MIPOL1: variants seen among roughly 807,000 people sequenced by gnomAD.
MIPOL1 encodes the protein mirror-image polydactyly gene 1 protein.
Under a neutral mutation model 60.9 loss-of-function variants are expected in MIPOL1, and 57 were observed. The ratio of observed to expected loss-of-function variants is 0.94; its 90% confidence interval spans 0.76 to 1.17. The LOEUF is 1.17. MIPOL1 is among the 50% of genes most tolerant of loss of function. The pLI, the probability that MIPOL1 is intolerant of heterozygous loss-of-function variation, is 0.00. For synonymous variants in MIPOL1, 179 were observed against 168.8 expected (o/e 1.06, Z -0.47); for missense variants, 551 against 511.6 (o/e 1.08, Z -0.74).
intron 11 of MIPOL1, among the ~76,000 whole-genome samples, chr14:37,452,765 C>T (rs908983136): frequency 2.6e-5 from 4 of 152,210 alleles, no homozygotes; most frequent in Middle Eastern, 3.4e-3. Flanking sequence ...ATCAAGTTGA[C>T]GTATAGTGTT....
At chr14:37,434,830 AT>A (rs2094137178) in intron 11 of MIPOL1, among the ~76,000 whole-genome samples, 1 of 148,986 alleles carries the variant, frequency 6.7e-6, no homozygotes, top group Non-Finnish European at 1.5e-5. Flanking sequence ...AAGTCTACTG[AT>A]TAAACATGTT....
intron 1 of MIPOL1, among the ~76,000 whole-genome samples, chr14:37,225,040 C>A (rs978687091): frequency 6.6e-6 from 1 of 152,170 alleles, no homozygotes; most frequent in Non-Finnish European, 1.5e-5. Flanking sequence ...TCTCCTTTGA[C>A]TCCATGTCTC....
intron 7 of MIPOL1, among the ~76,000 whole-genome samples, chr14:37,307,275 T>C (rs959438920): frequency 6.6e-6 from 1 of 151,916 alleles, no homozygotes; most frequent in African/African-American, 2.4e-5. Flanking sequence ...CACTAACATA[T>C]ATCACAAATT....
At chr14:37,327,931 A>T (rs561493583) in intron 9 of MIPOL1, among the ~76,000 whole-genome samples, 2 of 152,300 alleles carry the variant, frequency 1.3e-5, no homozygotes, top group Non-Finnish European at 2.9e-5. Context: ...ATTTCATTAG[A>T]AAAGGAAAAT....
At chr14:37,265,636 C>A (rs927492934) in intron 3 of MIPOL1, among the ~76,000 whole-genome samples, 2 of 151,946 alleles carry the variant, frequency 1.3e-5, no homozygotes, top group Admixed American at 6.6e-5. Flanking sequence ...ATCATACTTG[C>A]CAAAATAGTT....
At chr14:37,304,803 C>G (rs1253320398) in intron 7 of MIPOL1, among the ~76,000 whole-genome samples, 1 of 151,764 alleles carries the variant, frequency 6.6e-6, no homozygotes, top group Admixed American at 6.6e-5. Context: ...TCAATTGAAA[C>G]TTGAGCCCAT....
At chr14:37,525,534 G>A (rs1427364647) in intron 12 of MIPOL1, among the ~76,000 whole-genome samples, 3 of 152,056 alleles carry the variant, frequency 2.0e-5, no homozygotes, top group Non-Finnish European at 4.4e-5. Flanking sequence ...ACCTACTAAA[G>A]GAATAACACA....
At chr14:37,516,275 A>G (rs1301760139) in intron 12 of MIPOL1, among the ~76,000 whole-genome samples, 42 of 152,178 alleles carry the variant, frequency 2.8e-4, no homozygotes. Flanking sequence ...ATGTGGGTCT[A>G]AAGTCTTTTT....
intron 12 of MIPOL1, among the ~76,000 whole-genome samples, chr14:37,512,485 A>G (rs971651965): frequency 1.3e-5 from 2 of 152,082 alleles, no homozygotes; most frequent in African/African-American, 4.8e-5. Context: ...GTTGAAAAAA[A>G]AAAAAAGCCT....
chr14:37,238,387 C>G (rs1025779577), intron 1 of MIPOL1, among the ~76,000 whole-genome samples: 1 of 152,074 alleles, frequency 6.6e-6, no homozygotes, highest in African/African-American at 2.4e-5. Context: ...CCCCCCAGCT[C>G]CCATTCTCAC....
At chr14:37,343,557 G>A (rs1324373819) in intron 9 of MIPOL1, among the ~76,000 whole-genome samples, 10 of 152,152 alleles carry the variant, frequency 6.6e-5, no homozygotes, top group Non-Finnish European at 1.5e-4. Context: ...GTGGGAAGAT[G>A]TTTGATTATA....
chr14:37,244,388 T>G (rs1972851057), intron 1 of MIPOL1, among the ~76,000 whole-genome samples: 1 of 152,000 alleles, frequency 6.6e-6, no homozygotes, highest in Non-Finnish European at 1.5e-5. Context: ...CCCAAAGTGC[T>G]GGGATTACAG....
intron 10 of MIPOL1, among the ~76,000 whole-genome samples, chr14:37,390,255 C>T (rs951673467): frequency 6.6e-6 from 1 of 151,814 alleles, no homozygotes; most frequent in Non-Finnish European, 1.5e-5. Flanking sequence ...CAACTAGAGG[C>T]TAACTGACCC....
intron 1 of MIPOL1, among the ~76,000 whole-genome samples, chr14:37,209,672 A>T (rs994616552): frequency 9.9e-5 from 15 of 152,198 alleles, no homozygotes; most frequent in African/African-American, 3.6e-4. Flanking sequence ...AACAGAAAAG[A>T]AAAGAAATTA....
intron 12 of MIPOL1, chr14:37,503,310 T>A (rs1445100179): frequency 6.6e-6 from 1 of 152,044 alleles, no homozygotes; most frequent in Non-Finnish European, 1.5e-5. Context: ...GAAACATAAT[T>A]GTCAAATTCA....
intron 9 of MIPOL1, among the ~76,000 whole-genome samples, chr14:37,313,288 T>A (rs1262231412): frequency 1.3e-5 from 2 of 152,148 alleles, no homozygotes; most frequent in Admixed American, 1.3e-4. Context: ...TTTATTAGCT[T>A]TGAGGGCTGA....
At chr14:37,321,945 C>G (rs1281983455) in intron 9 of MIPOL1, among the ~76,000 whole-genome samples, 1 of 151,852 alleles carries the variant, frequency 6.6e-6, no homozygotes, top group Non-Finnish European at 1.5e-5. Flanking sequence ...AAATTTTAAA[C>G]ATATGGAAAA....
chr14:37,462,408 T>C (rs1566648787), intron 11 of MIPOL1, among the ~76,000 whole-genome samples: 1 of 152,208 alleles, frequency 6.6e-6, no homozygotes, highest in Non-Finnish European at 1.5e-5. Context: ...GAGGGGCTGC[T>C]GTGAAGACCT....
intron 9 of MIPOL1, among the ~76,000 whole-genome samples, chr14:37,331,845 G>A (rs986377499): frequency 6.6e-6 from 1 of 152,002 alleles, no homozygotes; most frequent in South Asian, 2.1e-4. Flanking sequence ...TGTCTTGTTC[G>A]AGATCTTACA....
Sources: allele counts gnomAD v4.1 joint callset (sites outside exome capture counted in the v4.1 genomes callset), GRCh38; gene constraint gnomAD v4.1.1; transcripts MANE v1.5; gene names NCBI Gene and HGNC (gene_info 2026-07-23, HGNC 2026-07-21).